Variants in ARHGEF6 observed in about 807,000 individuals in gnomAD.
ARHGEF6 encodes Rac/Cdc42 guanine nucleotide exchange factor 6.
ARHGEF6 carries 9 observed loss-of-function variants against 70.3 expected under a neutral mutation model. The ratio of observed to expected loss-of-function variants is 0.13; its 90% confidence interval spans 0.08 to 0.22. The LOEUF (loss-of-function observed/expected upper bound fraction) is 0.22, where lower values mean the gene tolerates loss of function less well. Among genes scored for constraint, ARHGEF6 ranks in the 10% least tolerant of loss-of-function variants. The pLI is 1.00. For synonymous variants in ARHGEF6, 201 were observed against 207.8 expected (o/e 0.97, Z 0.28); for missense variants, 470 against 563.0 (o/e 0.83, Z 1.67).
Position 136,779,507 on chromosome X carries a change from C to A in ARHGEF6, c.166-10G>T. On this transcript the variant is annotated splice_polypyrimidine_tract_variant and intron_variant, in intron 1 of 21. Transcript: ENST00000250617. ...GGGGATCCAGACAAAACTAGAGGAA[C>A]ACAGTGAAATGTCACTTGGAGATTG... 1 of 1,196,344 alleles carries A rather than the reference C, an allele frequency of 8.4e-7. No homozygotes were observed.
chrX:136,752,471 G>A (rs2077162242), intron 2 of ARHGEF6, among the ~76,000 whole-genome samples: 3 of 112,318 alleles, frequency 2.7e-5, no homozygotes. Flanking sequence ...TGTGCCACGT[G>A]CAATGACACC....
Position 136,667,888 on chromosome X carries a change from GAA to G in ARHGEF6, c.*139_*140del. The G allele has an allele frequency of 1.2e-6, 1 of 821,838 alleles. No individual in the cohort carries two copies. Among genetic ancestry groups the G allele is most frequent in the South Asian group, 2.2e-5 (1 of 46,237 alleles). 67.7% of individuals were successfully genotyped at this position (821,838 alleles called of 1,213,427 possible). On this transcript the variant is annotated 3_prime_UTR_variant, in exon 22 of 22. Transcript: ENST00000250617. ...CACACATATGCACACAGCGGGGAGA[GAA>G]AGAGAAGAGAGAGGGAGAGAGAGAG...
At chrX:136,722,431 G>A (rs961368951) in intron 6 of ARHGEF6, among the ~76,000 whole-genome samples, 4 of 112,092 alleles carry the variant, frequency 3.6e-5, no homozygotes, top group African/African-American at 1.3e-4. Flanking sequence ...TCTGATAAGA[G>A]TCTAGTATCC....
At chrX:136,713,886 T>TATTTCACCCA (rs2076711759) in intron 6 of ARHGEF6, among the ~76,000 whole-genome samples, 1 of 112,066 alleles carries the variant, frequency 8.9e-6, no homozygotes, top group Non-Finnish European at 1.9e-5. Context: ...AGGAGAAAAT[T>TATTTCACCCA]GAGGCCAGCT....
chrX:136,686,412 G>A (rs1193356798), intron 11 of ARHGEF6, among the ~76,000 whole-genome samples: 1 of 107,248 alleles, frequency 9.3e-6, no homozygotes, highest in Non-Finnish European at 1.9e-5. Flanking sequence ...CTTTGTTTAA[G>A]GACCAAGATT....
chrX:136,700,327 C>A, intron 9 of ARHGEF6, among the ~76,000 whole-genome samples: 1 of 110,876 alleles, frequency 9.0e-6, no homozygotes, highest in Non-Finnish European at 1.9e-5. Context: ...GAGTTTGAGA[C>A]CAGCCTGGCC....
intron 6 of ARHGEF6, among the ~76,000 whole-genome samples, chrX:136,715,792 C>A (rs950842087): frequency 8.9e-6 from 1 of 111,744 alleles, no homozygotes; most frequent in Non-Finnish European, 1.9e-5. Flanking sequence ...AGGAAAATAC[C>A]CTCATGCTTC....
chrX:136,712,615 C>T (rs1191084041), intron 7 of ARHGEF6, among the ~76,000 whole-genome samples: 1 of 111,736 alleles, frequency 8.9e-6, no homozygotes, highest in South Asian at 3.7e-4. Context: ...CAGTTCACCA[C>T]TATTTGTTAA....
intron 2 of ARHGEF6, among the ~76,000 whole-genome samples, chrX:136,763,746 A>T (rs1032681693): frequency 2.5e-4 from 28 of 111,668 alleles, no homozygotes; most frequent in African/African-American, 9.1e-4. Flanking sequence ...AATCGCTTGT[A>T]CCTAGGAGGC....
chrX:136,767,532 C>G (rs1480063054), intron 2 of ARHGEF6: 2 of 753,679 alleles, frequency 2.7e-6, no homozygotes, highest in East Asian at 1.5e-4. Flanking sequence ...ATAGCCGTGC[C>G]GCTCGGCGGG....
intron 17 of ARHGEF6, among the ~76,000 whole-genome samples, chrX:136,677,063 T>C (rs1569387693): frequency 8.9e-6 from 1 of 112,264 alleles, no homozygotes; most frequent in East Asian, 2.8e-4. Context: ...GTATTCCTAA[T>C]TTGGTTTACG....
chrX:136,671,951 T>A, intron 20 of ARHGEF6, 69 bp downstream of exon 20: 1 of 891,476 alleles, frequency 1.1e-6, no homozygotes, highest in Non-Finnish European at 1.7e-6. Flanking sequence ...CTCCAGGAGC[T>A]CCCCGTCCTA....
intron 18 of ARHGEF6, 112 bp from the exon 19 acceptor site, chrX:136,675,208 G>T: frequency 3.1e-6 from 2 of 645,949 alleles, no homozygotes; most frequent in Admixed American, 2.6e-5. Flanking sequence ...TAGAGTTTGT[G>T]AAAGGCAGGA....
chrX:136,690,615 T>C lies in ARHGEF6; in HGVS notation c.1180A>G (p.Met394Val). The change falls in exon 10 of 22, where the codon ATG (methionine) becomes GTG (valine). Residue 394 changes from methionine to valine, a missense_variant. Physicochemically the swap from Met to Val is conservative, Grantham distance 21. This residue lies in a region of ARHGEF6 where 379 missense variants were observed against 449.3 expected (regional missense o/e 0.84). Coordinates refer to ENST00000250617, the MANE Select transcript of ARHGEF6 (RefSeq NM_004840.3). The stretch of plus-strand genomic sequence containing the variant: ...AAAAGTTCACCTTCCCTTACCTCCA[T>C]ATGCCGTTCTAACTCTTGCAAGAGA... ...VTLLQELERH[M>V]EDTHPDHQDI... 2 of 1,210,952 alleles carry C rather than the reference T, an allele frequency of 1.7e-6. No homozygotes were observed. The highest frequency in any genetic ancestry group is 2.2e-6 in the Non-Finnish European group (2 of 895,205).
At chrX:136,669,634 G>A (rs2076201991) in intron 20 of ARHGEF6, 98 bp from the exon 21 acceptor site, 1 of 699,136 alleles carries the variant, frequency 1.4e-6, no homozygotes, top group South Asian at 2.3e-5. Context: ...TACAGATCCT[G>A]AAAAACAGTG....
chrX:136,735,580 G>GA (rs1176228015), intron 5 of ARHGEF6, among the ~76,000 whole-genome samples: 1 of 111,263 alleles, frequency 9.0e-6, no homozygotes, highest in Non-Finnish European at 1.9e-5. Flanking sequence ...AGTGCGGGGG[G>GA]AAATCAGTCA....
intron 16 of ARHGEF6, among the ~76,000 whole-genome samples, chrX:136,678,700 C>T (rs938215112): frequency 2.7e-5 from 3 of 111,655 alleles, no homozygotes; most frequent in African/African-American, 9.8e-5. Flanking sequence ...TCAAAACACA[C>T]GTTTGATATA....
rs927710049 is a variant in ARHGEF6, at chrX:136,769,858, A to G, written c.249+9556T>C. 8.9e-5 allele frequency among the ~76,000 whole-genome samples: 10 copies of G among 112,418 alleles called. No individual in the cohort carries two copies. In the Admixed American group the frequency reaches 9.4e-4, roughly 11 times the overall value. ...TTCCCTGCCTTCTCCATTCTGTAAGAAAGTAAGAAAGATATATTTGGTTCA... is the reference window on the plus strand; with the variant it reads ...TTCCCTGCCTTCTCCATTCTGTAAGGAAGTAAGAAAGATATATTTGGTTCA... On this transcript the variant is annotated intron_variant, in intron 2 of 21. Transcript: ENST00000250617.
intron 9 of ARHGEF6, among the ~76,000 whole-genome samples, chrX:136,696,981 T>C (rs2076519284): frequency 9.0e-6 from 1 of 111,071 alleles, no homozygotes; most frequent in African/African-American, 3.3e-5. Flanking sequence ...GGTCGAAAGC[T>C]CACTTCACGC....
Sources: allele counts gnomAD v4.1 joint callset (sites outside exome capture counted in the v4.1 genomes callset), GRCh38; gene constraint gnomAD v4.1.1; regional missense constraint gnomAD v4.1.1; transcripts MANE v1.5; gene names NCBI Gene and HGNC (gene_info 2026-07-23, HGNC 2026-07-21).